Variants in F2RL2 observed in about 807,000 individuals in gnomAD.
The protein encoded by F2RL2 is coagulation factor II thrombin receptor like 2, also known as proteinase-activated receptor 3.
In F2RL2, 4 loss-of-function variants were observed where a neutral mutation model predicts 4.3. The ratio of observed to expected loss-of-function variants is 0.93; its 90% CI spans 0.46 to 2.12. The LOEUF (loss-of-function observed/expected upper bound fraction) is 2.12. Ranked by LOEUF, F2RL2 falls within the 30% of genes most tolerant of loss-of-function variation. F2RL2 has a pLI of 0.02. For synonymous variants in F2RL2, 166 were observed against 170.9 expected, an observed-to-expected ratio of 0.97 and a Z score of 0.22; for missense variants, 408 against 449.3, an observed-to-expected ratio of 0.91 and a Z score of 0.83.
intron 1 of F2RL2, 103 bp downstream of exon 1, chr5:76,623,064 G>A: frequency 1.0e-6 from 1 of 1,004,646 alleles, no homozygotes; most frequent in South Asian, 1.4e-5. Context: ...CTGCCTTTGG[G>A]GTTTACAGTT....
chr5:76,618,408 A>T lies in F2RL2; in HGVS notation c.299T>A (p.Ile100Asn). 1 of 1,614,224 alleles carries T rather than the reference A, an allele frequency of 6.2e-7. No homozygotes were observed. Residue 100 changes from isoleucine (I) to asparagine (N), a missense_variant, in exon 2 of 2, where the codon ATC becomes AAC. Ile to Asn is a moderately radical substitution (Grantham distance 149). Transcript: ENST00000296641. ...SSLSTKLIPA[I>N]YLLVFVVGVP... Reference sequence around the variant, plus strand: ...ACCAACTACAAACACCAGGAGGTAGATGGCAGGTATCAGTTTAGTACTTAA... The same window carrying T: ...ACCAACTACAAACACCAGGAGGTAGTTGGCAGGTATCAGTTTAGTACTTAA...
At chr5:76,620,157 G>A (rs1036063200) in intron 1 of F2RL2, among the ~76,000 whole-genome samples, 26 of 152,256 alleles carry the variant, frequency 1.7e-4, no homozygotes, top group Non-Finnish European at 3.1e-4. Context: ...AGTAGGAAAC[G>A]AATATAGCCG....
In F2RL2 at chr5:76,617,160, A is replaced by G. The variant is rs1447078916; in HGVS notation, c.*422T>C. The G allele has an allele frequency of 1.9e-5, 3 of 158,446 alleles. No individual in the cohort carries two copies. The East Asian group carries it at 5.5e-4, about 29-fold the overall frequency. 9.8% of individuals were successfully genotyped at this position (158,446 alleles called of 1,614,324 possible). On this transcript the variant is annotated 3_prime_UTR_variant, in exon 2 of 2. Transcript: ENST00000296641. ...GATAAAGTGTTTTTAAAAATTACTA[A>G]TGCTGGCTGGCTCAGTGGCTCACGC...
rs530427847 is a variant in F2RL2, at chr5:76,617,817, A to C, written c.890T>G (p.Leu297Trp). 3.7e-6 allele frequency: 6 copies of C among 1,613,994 alleles called. No homozygotes were observed. In the African/African-American group the frequency reaches 6.7e-5, roughly 18 times the overall value. ...RTLNAYDHRW[L>W]WYVKASLLIL... ...GAGGAGACTCGCCTTAACATACCAC[A>C]ACCATCTATGATCGTATGCATTAAG... Residue 297 changes from leucine (L) to tryptophan (W), a missense_variant, in exon 2 of 2, where the codon TTG becomes TGG. By Grantham distance (61) the Leu-to-Trp change is moderately conservative. Transcript: ENST00000296641.
Position 76,615,909 on chromosome 5 carries a change from C to T in F2RL2, c.*1673G>A, listed in dbSNP as rs1423424017. ...TTGTATGCCCAACCTGAAATGATGT[C>T]ATCCCGTATCATCACAGTATGTTGC... On this transcript the variant is annotated 3_prime_UTR_variant, in exon 2 of 2. Coordinates refer to ENST00000296641, the MANE Select transcript of F2RL2 (RefSeq NM_004101.4). The T allele has an allele frequency of 2.0e-5, 3 of 152,626 alleles. No homozygotes were observed. The allele number at this position is 152,626 out of a possible 1,614,324, so 9.5% of individuals were successfully genotyped here. A position where few individuals can be genotyped will look rare whatever the true frequency, so the allele number is the denominator to read the frequency against.
intron 1 of F2RL2, 102 bp from the exon 2 acceptor site, chr5:76,618,744 CA>C: frequency 9.5e-7 from 1 of 1,055,508 alleles, no homozygotes; most frequent in African/African-American, 1.6e-5. Flanking sequence ...AATTTAAGAT[CA>C]TTTTTATTTT....
intron 1 of F2RL2, among the ~76,000 whole-genome samples, chr5:76,619,571 C>T (rs1749401261): frequency 7.1e-6 from 1 of 141,584 alleles, no homozygotes; most frequent in South Asian, 2.2e-4. Context: ...GGCTGGAGTG[C>T]AGTGGCACGA....
rs1348638938 is a variant in F2RL2 at position 76,617,379 on chromosome 5, G to C, written c.*203C>G. The C allele has an allele frequency of 3.9e-6, 2 of 517,868 alleles. No homozygotes were observed. The highest frequency in any genetic ancestry group is 5.3e-5 in the South Asian group (2 of 37,598). 32.1% of individuals were successfully genotyped at this position (517,868 alleles called of 1,614,324 possible). On this transcript the variant is annotated 3_prime_UTR_variant, in exon 2 of 2. Transcript: ENST00000296641. Reference sequence around the variant, plus strand: ...GCAGAGGTTGCAATGAGCCAAGATAGTGCCACTGCACGCCAGTCTGGGTGA... The same window carrying C: ...GCAGAGGTTGCAATGAGCCAAGATACTGCCACTGCACGCCAGTCTGGGTGA...
At chr5:76,622,793 C>G (rs1358022295) in intron 1 of F2RL2, among the ~76,000 whole-genome samples, 1 of 152,110 alleles carries the variant, frequency 6.6e-6, no homozygotes, top group Non-Finnish European at 1.5e-5. Context: ...TATGTCTCAC[C>G]AAGAGGTTTA....
At chr5:76,621,018 C>T (rs1326783134) in intron 1 of F2RL2, among the ~76,000 whole-genome samples, 2 of 152,170 alleles carry the variant, frequency 1.3e-5, no homozygotes, top group African/African-American at 2.4e-5. Flanking sequence ...TCTAATGTTA[C>T]CTTTAAGATA....
At chr5:76,619,665 C>T (rs1322139236) in intron 1 of F2RL2, among the ~76,000 whole-genome samples, 1 of 151,950 alleles carries the variant, frequency 6.6e-6, no homozygotes, top group Non-Finnish European at 1.5e-5. Flanking sequence ...TACAAGCGCC[C>T]GCCACCAGGC....
chr5:76,617,493 G>T lies in F2RL2; in HGVS notation c.*89C>A. On this transcript the variant is annotated 3_prime_UTR_variant, in exon 2 of 2. Transcript: ENST00000296641. Reference sequence around the variant, plus strand: ...TTTGAAGCATATTTCTTAGGAGCTCGGAAATGGAGCTCCTTGCACTATGCT... The same window carrying T: ...TTTGAAGCATATTTCTTAGGAGCTCTGAAATGGAGCTCCTTGCACTATGCT... 1.0e-6 allele frequency: 1 copy of T among 960,148 alleles called. No homozygotes were observed. The allele number at this position is 960,148 out of a possible 1,614,324, so 59.5% of individuals were successfully genotyped here.
chr5:76,621,721 T>G (rs960116981), intron 1 of F2RL2, among the ~76,000 whole-genome samples: 5 of 152,224 alleles, frequency 3.3e-5, no homozygotes, highest in Admixed American at 3.3e-4. Flanking sequence ...TGGGTCCACT[T>G]AAATAAGGCT....
At chr5:76,620,344 G>A (rs964360684) in intron 1 of F2RL2, among the ~76,000 whole-genome samples, 1 of 142,922 alleles carries the variant, frequency 7.0e-6, no homozygotes, top group African/African-American at 2.5e-5. Flanking sequence ...GTGAGACTCT[G>A]ATGGCGGCTT....
Position 76,617,842 on chromosome 5 carries a change from G to T in F2RL2, c.865C>A (p.Leu289Ile). 1 of 1,614,022 alleles carries T rather than the reference G, an allele frequency of 6.2e-7. No homozygotes were observed. The highest frequency in any genetic ancestry group is 8.5e-7 in the Non-Finnish European group (1 of 1,179,958). The change falls in exon 2 of 2, where the codon CTT becomes ATT. Residue 289 changes from leucine to isoleucine, a missense_variant. Leu to Ile is a conservative substitution (Grantham distance 5). Transcript: ENST00000296641. ...IYCYAAIIRT[L>I]NAYDHRWLWY... ...AACCATCTATGATCGTATGCATTAAGTGTCCGGATGATGGCTGCATAGCAG... is the reference window on the plus strand; with the variant it reads ...AACCATCTATGATCGTATGCATTAATTGTCCGGATGATGGCTGCATAGCAG...
In F2RL2 at chr5:76,617,101, A is replaced by G. The variant is rs1458346023; in HGVS notation, c.*481T>C. On this transcript the variant is annotated 3_prime_UTR_variant, in exon 2 of 2. Transcript: ENST00000296641. ...ATGTCATTTTCCATAGAGTTGTGAT[A>G]TCTTTTCTCCTGCATTAACATTTTT... 1 of 154,688 alleles carries G rather than the reference A, an allele frequency of 6.5e-6. No individual in the cohort carries two copies. Among genetic ancestry groups the G allele is most frequent in the East Asian group, 1.9e-4 (1 of 5,238 alleles). 9.6% of individuals were successfully genotyped at this position (154,688 alleles called of 1,614,324 possible).
rs1250433642 is a variant in F2RL2, at chr5:76,617,288, T to C, written c.*294A>G. The C allele has an allele frequency of 1.2e-5, 3 of 257,432 alleles. No homozygotes were observed. The East Asian group carries it at 2.3e-4, about 20-fold the overall frequency. The allele number at this position is 257,432 out of a possible 1,614,324, so 15.9% of individuals were successfully genotyped here. On this transcript the variant is annotated 3_prime_UTR_variant, in exon 2 of 2. Coordinates refer to ENST00000296641, the MANE Select transcript of F2RL2 (RefSeq NM_004101.4). ...GGTGAAACCCCGTCTCTACTAAAAA[T>C]ACAAGTATTTTTAGTAGCTGGGCAT...
In F2RL2 at chr5:76,615,879, C is replaced by T. The variant is rs1748913745; in HGVS notation, c.*1703G>A. The T allele has an allele frequency of 6.6e-6, 1 of 152,646 alleles. No homozygotes were observed. The highest frequency in any genetic ancestry group is 2.4e-5 in the African/African-American group (1 of 41,456). The allele number at this position is 152,646 out of a possible 1,614,324, so 9.5% of individuals were successfully genotyped here. ...GTATAGTCTTAGTTTAGCTTCCTTA[C>T]TTTTTTGTATGCCCAACCTGAAATG... On this transcript the variant is annotated 3_prime_UTR_variant, in exon 2 of 2. Transcript: ENST00000296641.
Position 76,617,517 on chromosome 5 carries a change from C to T in F2RL2, c.*65G>A. On this transcript the variant is annotated 3_prime_UTR_variant, in exon 2 of 2. Coordinates refer to ENST00000296641, the MANE Select transcript of F2RL2 (RefSeq NM_004101.4). The stretch of plus-strand genomic sequence containing the variant: ...CGGAAATGGAGCTCCTTGCACTATG[C>T]TTATGTTGTTCTTGAAAACAGACGT... 7.8e-7 allele frequency: 1 copy of T among 1,275,660 alleles called. No individual in the cohort carries two copies. Among genetic ancestry groups the T allele is most frequent in the South Asian group, 1.4e-5 (1 of 71,688 alleles). 79.0% of individuals were successfully genotyped at this position (1,275,660 alleles called of 1,614,324 possible). A position where few individuals can be genotyped will look rare whatever the true frequency, so the allele number is the denominator to read the frequency against.
Sources: allele counts gnomAD v4.1 joint callset (sites outside exome capture counted in the v4.1 genomes callset), GRCh38; gene constraint gnomAD v4.1.1; transcripts MANE v1.5; gene names NCBI Gene and HGNC (gene_info 2026-07-23, HGNC 2026-07-21).